Variants in IL1RAPL1 observed in about 807,000 individuals in gnomAD.
IL1RAPL1 encodes interleukin-1 receptor accessory protein-like 1.
IL1RAPL1 carries 3 observed loss-of-function variants against 48.4 expected under a neutral mutation model. That is an observed-to-expected ratio of 0.06 (90% CI 0.03 to 0.16). IL1RAPL1 has a LOEUF of 0.16. Ranked by LOEUF, IL1RAPL1 falls within the 10% of genes least tolerant of loss-of-function variation. IL1RAPL1 has a pLI of 1.00. For synonymous variants in IL1RAPL1, 185 were observed against 187.7 expected (o/e 0.99, Z 0.12); for missense variants, 349 against 530.6 (o/e 0.66, Z 3.36).
chrX:29,267,837 T>G (rs1410820672), intron 2 of IL1RAPL1, among the ~76,000 whole-genome samples: 1 of 111,762 alleles, frequency 8.9e-6, no homozygotes, highest in Non-Finnish European at 1.9e-5. Flanking sequence ...ATTTGGAACT[T>G]TGAAACTTCC....
intron 1 of IL1RAPL1, among the ~76,000 whole-genome samples, chrX:28,647,568 GTTAT>G (rs971736197): frequency 8.9e-6 from 1 of 112,428 alleles, no homozygotes; most frequent in African/African-American, 3.2e-5. Flanking sequence ...ATTAGAATAG[GTTAT>G]TTATTATATT....
At chrX:29,823,141 C>T (rs994849926) in intron 6 of IL1RAPL1, among the ~76,000 whole-genome samples, 3 of 111,587 alleles carry the variant, frequency 2.7e-5, no homozygotes, top group African/African-American at 9.8e-5. Context: ...GGCTTTTGGG[C>T]ATATGCATGA....
intron 2 of IL1RAPL1, among the ~76,000 whole-genome samples, chrX:29,136,292 T>G (rs745781320): frequency 9.1e-6 from 1 of 109,737 alleles, no homozygotes; most frequent in African/African-American, 3.3e-5. Context: ...CATGCCTGGC[T>G]AATTTTGTAT....
intron 3 of IL1RAPL1, among the ~76,000 whole-genome samples, chrX:29,288,429 C>T (rs1932319170): frequency 1.8e-5 from 2 of 111,663 alleles, no homozygotes; most frequent in African/African-American, 3.3e-5. Context: ...CCTGTTCCTG[C>T]ATTAGTTTAC....
intron 3 of IL1RAPL1, among the ~76,000 whole-genome samples, chrX:29,365,578 G>A (rs1933441451): frequency 9.2e-6 from 1 of 108,175 alleles, no homozygotes; most frequent in Non-Finnish European, 1.9e-5. Flanking sequence ...CATGCTATTC[G>A]GGGGGCTGAA....
At chrX:28,960,732 G>A (rs1342269944) in intron 2 of IL1RAPL1, among the ~76,000 whole-genome samples, 1 of 111,268 alleles carries the variant, frequency 9.0e-6, no homozygotes, top group African/African-American at 3.3e-5. Flanking sequence ...TAAAGGGCCG[G>A]GCGCCGTGGC....
At chrX:28,956,449 T>G (rs1416564313) in intron 2 of IL1RAPL1, among the ~76,000 whole-genome samples, 2 of 110,974 alleles carry the variant, frequency 1.8e-5, no homozygotes, top group East Asian at 5.7e-4. Context: ...AATACCTAAT[T>G]TATTGAGAGT....
chrX:28,757,473 G>A (rs1936118425), intron 1 of IL1RAPL1, among the ~76,000 whole-genome samples: 1 of 112,349 alleles, frequency 8.9e-6, no homozygotes. Context: ...AGTAGGGCAG[G>A]AACTACTGTG....
At chrX:29,541,512 A>C (rs1297375998) in intron 5 of IL1RAPL1, among the ~76,000 whole-genome samples, 1 of 111,858 alleles carries the variant, frequency 8.9e-6, no homozygotes, top group Non-Finnish European at 1.9e-5. Context: ...TGGTAATAGC[A>C]AAGACATGGA....
At chrX:29,186,598 C>T (rs1930256808) in intron 2 of IL1RAPL1, among the ~76,000 whole-genome samples, 1 of 110,835 alleles carries the variant, frequency 9.0e-6, no homozygotes, top group East Asian at 2.8e-4. Context: ...ATTAAGTTAC[C>T]ACGGTTGCAG....
At chrX:29,758,590 G>A (rs1185891370) in intron 6 of IL1RAPL1, among the ~76,000 whole-genome samples, 1 of 109,255 alleles carries the variant, frequency 9.2e-6, no homozygotes, top group Non-Finnish European at 1.9e-5. Context: ...GAGCTACTTG[G>A]GAGGCTGAGG....
chrX:29,658,505 AC>A (rs1925751924), intron 5 of IL1RAPL1, among the ~76,000 whole-genome samples: 2 of 112,307 alleles, frequency 1.8e-5, no homozygotes, highest in Admixed American at 1.9e-4. Context: ...GTGTTAGGAC[AC>A]TACTTCATAA....
At chrX:29,679,291 TAAAAG>T (rs1926379039) in intron 6 of IL1RAPL1, among the ~76,000 whole-genome samples, 1 of 111,745 alleles carries the variant, frequency 8.9e-6, no homozygotes, top group Non-Finnish European at 1.9e-5. Context: ...TTTCTCTTCT[TAAAAG>T]AAAAAAATGT....
chrX:29,472,158 A>G (rs1055897035), intron 5 of IL1RAPL1, among the ~76,000 whole-genome samples: 1 of 110,844 alleles, frequency 9.0e-6, no homozygotes, highest in Non-Finnish European at 1.9e-5. Flanking sequence ...AATCCTACCC[A>G]TTTTTCAGTG....
intron 2 of IL1RAPL1, among the ~76,000 whole-genome samples, chrX:28,828,884 CGATGCTGA>C (rs1267315154): frequency 1.8e-5 from 2 of 111,272 alleles, no homozygotes; most frequent in African/African-American, 6.5e-5. Flanking sequence ...TTGGCCAAAG[CGATGCTGA>C]GATGTTGAAA....
At chrX:29,381,448 A>C (rs1013957496) in intron 3 of IL1RAPL1, among the ~76,000 whole-genome samples, 44 of 86,651 alleles carry the variant, frequency 5.1e-4, no homozygotes, top group African/African-American at 1.8e-3. Context: ...GGATCCCTGG[A>C]ATTAGAGACC....
intron 7 of IL1RAPL1, among the ~76,000 whole-genome samples, chrX:29,919,118 T>C (rs1392513041): frequency 2.7e-5 from 3 of 112,119 alleles, no homozygotes; most frequent in African/African-American, 6.5e-5. Flanking sequence ...CATAAGAATA[T>C]TGTACTCTAG....
At chrX:29,129,787 G>A (rs889610881) in intron 2 of IL1RAPL1, among the ~76,000 whole-genome samples, 2 of 108,367 alleles carry the variant, frequency 1.8e-5, no homozygotes, top group African/African-American at 6.7e-5. Context: ...GTAGAGACGG[G>A]GTTTTGCTGT....
intron 1 of IL1RAPL1, among the ~76,000 whole-genome samples, chrX:28,635,804 T>C (rs780012497): frequency 9.0e-5 from 10 of 111,677 alleles, no homozygotes; most frequent in Admixed American, 1.9e-4. Context: ...GGCGTGTGTG[T>C]GTGTGTATGT....
Sources: gnomAD v4.1 joint callset for allele counts (sites outside exome capture counted in the v4.1 genomes callset) on GRCh38, gnomAD v4.1.1 for gene constraint, MANE v1.5 for transcripts, NCBI Gene and HGNC (gene_info 2026-07-23, HGNC 2026-07-21) for gene names.